Variants in AGAP1 observed in about 807,000 individuals in gnomAD.
AGAP1 encodes ArfGAP with GTPase domain, ankyrin repeat and PH domain 1, also known as arf-GAP with GTPase, ANK repeat and PH domain-containing protein 1.
Under a neutral mutation model 105.3 loss-of-function variants are expected in AGAP1, and 29 were observed. That is an observed-to-expected ratio of 0.28 (90% CI 0.21 to 0.38). The LOEUF is 0.38. Ranked by LOEUF, AGAP1 falls within the 10% of genes least tolerant of loss-of-function variation. The pLI, the probability that AGAP1 is intolerant of heterozygous loss-of-function variation, is 1.00. For missense variants in AGAP1, 998 were observed against 1,165.1 expected, an observed-to-expected ratio of 0.86 and a Z score of 2.09; for synonymous variants, 509 against 485.9, an observed-to-expected ratio of 1.05 and a Z score of -0.63.
rs529043296 is a variant in AGAP1, at chr2:235,807,112, CTG to C, written c.958-124_958-123del. 3,713 of 838,486 alleles carry C rather than the reference CTG, an allele frequency of 4.4e-3. 19 individuals carry two copies. Among genetic ancestry groups the C allele is most frequent in the Non-Finnish European group, 5.9e-3 (3,126 of 528,758 alleles). 51.9% of individuals were successfully genotyped at this position (838,486 alleles called of 1,614,324 possible). The stretch of plus-strand genomic sequence containing the variant: ...TGAGCTGTCTGCTCGTCGGACGTGT[CTG>C]TGCGCACACATAGATCGCGCATGTT... On this transcript the variant is annotated intron_variant, in intron 8 of 17. Coordinates refer to ENST00000304032, the MANE Select transcript of AGAP1 (RefSeq NM_001037131.3).
At position 236,053,602 on chromosome 2, in the gene AGAP1, G is replaced by A. The variant is rs1386588803; in HGVS notation, c.2114+4321G>A. Among the ~76,000 whole-genome samples the A allele has an allele frequency of 6.6e-6, 1 of 152,274 alleles. No individual in the cohort carries two copies. Among genetic ancestry groups the A allele is most frequent in the African/African-American group, 2.4e-5 (1 of 41,478 alleles). ...TGGCGCCACATTCCTCTTGGCAGAA[G>A]CCTCGCTCTGCGTGGCACTGCATCT... is the stretch of plus-strand genomic sequence containing the variant. On this transcript the variant is annotated intron_variant, in intron 16 of 17. Coordinates refer to ENST00000304032, the MANE Select transcript of AGAP1 (RefSeq NM_001037131.3). The surrounding 1 kb of genome is among the most constrained non-coding windows in gnomAD (Gnocchi z 4.6).
chr2:235,898,248 C>G (rs1310208194), intron 10 of AGAP1, among the ~76,000 whole-genome samples: 1 of 152,196 alleles, frequency 6.6e-6, no homozygotes, highest in African/African-American at 2.4e-5. Context: ...GCTACATGTT[C>G]TGCCTTTGAA....
At chr2:235,710,563 A>G (rs1950802660) in intron 2 of AGAP1, among the ~76,000 whole-genome samples, 1 of 152,098 alleles carries the variant, frequency 6.6e-6, no homozygotes, top group East Asian at 1.9e-4. Flanking sequence ...TGGGAGACAA[A>G]GCGTCTCTCA....
intron 6 of AGAP1, among the ~76,000 whole-genome samples, chr2:235,766,212 C>T (rs1331188018): frequency 2.0e-5 from 3 of 152,100 alleles, no homozygotes; most frequent in African/African-American, 7.2e-5. Flanking sequence ...AAATGCAGTA[C>T]GATAACACAT....
rs538546799 is a variant in AGAP1 at position 235,797,856 on chromosome 2, C to T, written c.771C>T (p.Ser257=). 29 of 1,614,062 alleles carry T rather than the reference C, an allele frequency of 1.8e-5. No homozygotes were observed. The African/African-American group carries it at 2.4e-4, about 13-fold the overall frequency. Reference sequence around the variant, plus strand: ...CTCCCAGCCATTCCTCCGTCTGTTCCGCGCAGGTGTCTGCCGTGCACATCA... The same window carrying T: ...CTCCCAGCCATTCCTCCGTCTGTTCTGCGCAGGTGTCTGCCGTGCACATCA... ...PNSPSHSSVC[S]AQVSAVHISQ... is the part of the protein sequence containing the mutation. Residue 257 remains serine (S), a synonymous_variant, in exon 7 of 18, where the codon TCC becomes TCT. Coordinates refer to ENST00000304032, the MANE Select transcript of AGAP1 (RefSeq NM_001037131.3).
chr2:236,006,675 G>A (rs1426854616), intron 13 of AGAP1, among the ~76,000 whole-genome samples: 1 of 152,128 alleles, frequency 6.6e-6, no homozygotes, highest in African/African-American at 2.4e-5. Context: ...TTAAAAAGTA[G>A]TATTTTTTAT....
At chr2:235,852,214 G>T (rs1453837495) in intron 9 of AGAP1, among the ~76,000 whole-genome samples, 1 of 152,324 alleles carries the variant, frequency 6.6e-6, no homozygotes, top group Admixed American at 6.5e-5. Flanking sequence ...TTCTGTAGCC[G>T]ATTACCCAAT....
rs527384244 is a variant in AGAP1, at chr2:235,874,327, A to C, written c.1051-9018A>C. ...GCCTCCCAAAGTGCTGGGGTTACAGATGTAAGCCACTGTGCCCGGCCCAGA... is the reference window on the plus strand; with the variant it reads ...GCCTCCCAAAGTGCTGGGGTTACAGCTGTAAGCCACTGTGCCCGGCCCAGA... On this transcript the variant is annotated intron_variant, in intron 9 of 17. Transcript: ENST00000304032. This position sits in a 1 kb window ranked among gnomAD's most constrained non-coding sequence, Gnocchi z 4.5. Among the ~76,000 whole-genome samples the C allele has an allele frequency of 3.3e-5, 5 of 152,164 alleles. No individual in the cohort carries two copies. Among genetic ancestry groups the C allele is most frequent in the Non-Finnish European group, 7.4e-5 (5 of 67,978 alleles).
At chr2:236,075,463 C>G (rs890279190) in intron 16 of AGAP1, among the ~76,000 whole-genome samples, 1 of 152,096 alleles carries the variant, frequency 6.6e-6, no homozygotes, top group Admixed American at 6.6e-5. Context: ...CGCTGCTGCC[C>G]CCTTGGACAT....
rs556217721 is a variant in AGAP1 at position 236,078,164 on chromosome 2, G to A, written c.2114+28883G>A. 6.6e-6 allele frequency among the ~76,000 whole-genome samples: 1 copy of A among 152,026 alleles called. No homozygotes were observed. The highest frequency in any genetic ancestry group is 1.9e-4 in the East Asian group (1 of 5,162). ...GGGCAGGCCAGCCGGGGGTGTGTGT[G>A]TGTGTGTGTGTATATGTATGTGTGT... On this transcript the variant is annotated intron_variant, in intron 16 of 17. Coordinates refer to ENST00000304032, the MANE Select transcript of AGAP1 (RefSeq NM_001037131.3). This position sits in a 1 kb window ranked among gnomAD's most constrained non-coding sequence, Gnocchi z 5.3.
In AGAP1 at chr2:235,622,464, T is replaced by A. The variant is rs544437816; in HGVS notation, c.164-86715T>A. Among the ~76,000 whole-genome samples the A allele has an allele frequency of 2.0e-4, 31 of 152,268 alleles. No homozygotes were observed. Among genetic ancestry groups the A allele is most frequent in the Admixed American group, 3.9e-4 (6 of 15,300 alleles). On this transcript the variant is annotated intron_variant, in intron 1 of 17. Coordinates refer to ENST00000304032, the MANE Select transcript of AGAP1 (RefSeq NM_001037131.3). This position sits in a 1 kb window ranked among gnomAD's most constrained non-coding sequence, Gnocchi z 5.0. ...ATCTAGACCTGGTGCCTGGACTCAATCTGCAGAGACAGGTGTCTGGGATCT... is the reference window on the plus strand; with the variant it reads ...ATCTAGACCTGGTGCCTGGACTCAAACTGCAGAGACAGGTGTCTGGGATCT...
At chr2:235,869,420 T>TAAAAAAAAAAAAAAA (rs35813316) in intron 9 of AGAP1, among the ~76,000 whole-genome samples, 3 of 49,958 alleles carry the variant, frequency 6.0e-5, no homozygotes, top group Non-Finnish European at 1.1e-4. Flanking sequence ...CCATCTCTAC[T>TAAAAAAAAAAAAAAA]AAAAAAAAAA....
intron 1 of AGAP1, among the ~76,000 whole-genome samples, chr2:235,594,396 A>G (rs1945450961): frequency 6.6e-6 from 1 of 151,818 alleles, no homozygotes; most frequent in Non-Finnish European, 1.5e-5. Context: ...CTTCCTTGAG[A>G]GGAGGAATAA....
In AGAP1 at chr2:235,608,439, A is replaced by G. The variant is rs1048384350; in HGVS notation, c.164-100740A>G. Reference sequence around the variant, plus strand: ...TCAGGAGGTGGAGCCGCCCCAGGCCATGGAGACCTGGAGATGCTCAGGGAA... The same window carrying G: ...TCAGGAGGTGGAGCCGCCCCAGGCCGTGGAGACCTGGAGATGCTCAGGGAA... On this transcript the variant is annotated intron_variant, in intron 1 of 17. Coordinates refer to ENST00000304032, the MANE Select transcript of AGAP1 (RefSeq NM_001037131.3). The surrounding 1 kb of genome is among the most constrained non-coding windows in gnomAD (Gnocchi z 5.4). Among the ~76,000 whole-genome samples, 9 of 152,184 alleles carry G rather than the reference A, an allele frequency of 5.9e-5. No homozygotes were observed. Among genetic ancestry groups the G allele is most frequent in the African/African-American group, 2.2e-4 (9 of 41,458 alleles).
At chr2:235,849,119 G>A (rs368579621) in intron 9 of AGAP1, among the ~76,000 whole-genome samples, 5 of 152,174 alleles carry the variant, frequency 3.3e-5, no homozygotes, top group African/African-American at 9.7e-5. Context: ...GTAATTTCAC[G>A]CCTTGCAATA....
intron 16 of AGAP1, among the ~76,000 whole-genome samples, chr2:236,057,600 C>G (rs981048848): frequency 6.6e-6 from 1 of 152,036 alleles, no homozygotes; most frequent in Non-Finnish European, 1.5e-5. Flanking sequence ...TGCTCATGTC[C>G]CTGACCCAAC....
At chr2:235,749,837 A>C (rs1330094326) in intron 5 of AGAP1, among the ~76,000 whole-genome samples, 1 of 152,186 alleles carries the variant, frequency 6.6e-6, no homozygotes, top group Non-Finnish European at 1.5e-5. Flanking sequence ...TGTCTGTTTC[A>C]TGAGAGTGCA....
chr2:235,511,992 G>A (rs1942151823), intron 1 of AGAP1, among the ~76,000 whole-genome samples: 2 of 86,380 alleles, frequency 2.3e-5, no homozygotes, highest in Admixed American at 2.2e-4. Context: ...GAATGCGTGT[G>A]TGAATGCGTG....
chr2:235,627,279 A>G (rs951738638), intron 1 of AGAP1, among the ~76,000 whole-genome samples: 1 of 125,384 alleles, frequency 8.0e-6, no homozygotes, highest in Non-Finnish European at 1.6e-5. Context: ...TTCAACCTCC[A>G]CCTCCCGGGT....
Sources: gnomAD v4.1 joint callset for allele counts (sites outside exome capture counted in the v4.1 genomes callset) on GRCh38, gnomAD v4.1.1 for gene constraint, Gnocchi (gnomAD v3.1) non-coding constraint, MANE v1.5 for transcripts, NCBI Gene and HGNC (gene_info 2026-07-23, HGNC 2026-07-21) for gene names.